The following FAM184B variants were observed in gnomAD, a reference collection of about 807,000 sequenced individuals.
FAM184B encodes the protein family with sequence similarity 184 member B, also known as protein FAM184B.
A neutral mutation model predicts 135.9 loss-of-function variants in FAM184B; 111 were observed. The ratio of observed to expected loss-of-function variants is 0.82; its 90% confidence interval spans 0.70 to 0.96. FAM184B has a LOEUF of 0.96. FAM184B is among the 40% of genes least tolerant of loss of function. The pLI is 0.00. For missense variants in FAM184B, 1,375 were observed against 1,323.9 expected, an observed-to-expected ratio of 1.04 and a Z score of -0.60; for synonymous variants, 552 against 524.8, an observed-to-expected ratio of 1.05 and a Z score of -0.71.
chr4:17,764,326 C>T (rs980297606), intron 1 of FAM184B, among the ~76,000 whole-genome samples: 1 of 152,190 alleles, frequency 6.6e-6, no homozygotes, highest in Non-Finnish European at 1.5e-5. Context: ...AGCAGTTTAT[C>T]GATCACCTCT....
intron 11 of FAM184B, 147 bp from the exon 12 acceptor site, chr4:17,647,938 G>A: frequency 4.6e-6 from 4 of 872,878 alleles, no homozygotes; most frequent in Non-Finnish European, 6.8e-6. Context: ...CCTTTTCCAA[G>A]GTAACAGTAA....
chr4:17,763,246 T>C (rs1327786596), intron 1 of FAM184B, among the ~76,000 whole-genome samples: 1 of 152,116 alleles, frequency 6.6e-6, no homozygotes. Flanking sequence ...TGAGATTCTC[T>C]AAATTGGGTC....
intron 6 of FAM184B, among the ~76,000 whole-genome samples, chr4:17,690,230 G>A (rs1338924267): frequency 6.6e-6 from 1 of 152,170 alleles, no homozygotes; most frequent in African/African-American, 2.4e-5. Context: ...GGATGAACAG[G>A]AGTCTGCCAT....
chr4:17,637,054 TC>T (rs1715164108), intron 14 of FAM184B, among the ~76,000 whole-genome samples: 1 of 150,796 alleles, frequency 6.6e-6, no homozygotes, highest in Non-Finnish European at 1.5e-5. Flanking sequence ...GGAGACGGAG[TC>T]TCCCTCTGTC....
At chr4:17,751,109 A>G in intron 1 of FAM184B, among the ~76,000 whole-genome samples, 1 of 151,924 alleles carries the variant, frequency 6.6e-6, no homozygotes. Flanking sequence ...GGAGTTCAAA[A>G]CCAGCCTGGT....
chr4:17,666,618 C>G (rs1446567812), intron 7 of FAM184B, among the ~76,000 whole-genome samples: 1 of 151,818 alleles, frequency 6.6e-6, no homozygotes, highest in African/African-American at 2.4e-5. Context: ...GTCACCATGC[C>G]TGGACTCCCT....
intron 1 of FAM184B, among the ~76,000 whole-genome samples, chr4:17,779,384 C>T (rs568434258): frequency 5.3e-5 from 8 of 152,154 alleles, no homozygotes; most frequent in South Asian, 2.1e-4. Context: ...GGTAAACAGA[C>T]GCACTACATA....
intron 1 of FAM184B, among the ~76,000 whole-genome samples, chr4:17,751,277 A>G (rs974516398): frequency 7.1e-5 from 10 of 141,302 alleles, no homozygotes; most frequent in African/African-American, 2.1e-4. Context: ...CACTGCCTCC[A>G]GCCTGGGTGA....
At chr4:17,729,935 GAGA>G (rs1717735822) in intron 1 of FAM184B, among the ~76,000 whole-genome samples, 2 of 152,334 alleles carry the variant, frequency 1.3e-5, no homozygotes, top group East Asian at 1.9e-4. Flanking sequence ...GACGAGCTGA[GAGA>G]AGAAGGCTTC....
chr4:17,708,786 C>T, intron 2 of FAM184B, 106 bp downstream of exon 2: 1 of 1,251,208 alleles, frequency 8.0e-7, no homozygotes, highest in East Asian at 2.7e-5. Context: ...GGGCTCACCT[C>T]CGTAGAAGGC....
chr4:17,710,096 C>A (rs1717225654), intron 1 of FAM184B, among the ~76,000 whole-genome samples: 1 of 152,084 alleles, frequency 6.6e-6, no homozygotes, highest in Admixed American at 6.5e-5. Context: ...GAGGCAGAGG[C>A]AGGCGGATCA....
intron 7 of FAM184B, among the ~76,000 whole-genome samples, chr4:17,675,523 C>A (rs1048424136): frequency 6.6e-6 from 1 of 152,146 alleles, no homozygotes; most frequent in Admixed American, 6.5e-5. Context: ...AAGTCACTAG[C>A]TTTATTATCT....
At position 17,664,599 on chromosome 4, in the gene FAM184B, C is replaced by A; in HGVS notation, c.1657G>T (p.Ala553Ser). 6.4e-7 allele frequency: 1 copy of A among 1,551,288 alleles called. No individual in the cohort carries two copies. Among genetic ancestry groups the A allele is most frequent in the Non-Finnish European group, 8.7e-7 (1 of 1,146,884 alleles). The change falls in exon 8 of 18, where the codon GCA becomes TCA. Residue 553 changes from alanine (A) to serine (S), a missense_variant. Ala to Ser is a moderately conservative substitution (Grantham distance 99). Coordinates refer to ENST00000265018, the MANE Select transcript of FAM184B (RefSeq NM_015688.2). The part of the protein sequence containing the change: ...PRGEEYQDKL[A>S]AEEGTSSDEE... The stretch of plus-strand genomic sequence containing the variant: ...TCACTGCTGGTTCCTTCTTCAGCTG[C>A]TAACTTATCTTGATACTCCTCTCCT...
intron 7 of FAM184B, among the ~76,000 whole-genome samples, chr4:17,680,714 T>C (rs1166251095): frequency 1.3e-5 from 2 of 152,170 alleles, no homozygotes; most frequent in Non-Finnish European, 2.9e-5. Flanking sequence ...ATAGATCTGC[T>C]TCTCCTTTCC....
At chr4:17,768,416 A>G (rs1398698809) in intron 1 of FAM184B, among the ~76,000 whole-genome samples, 1 of 149,402 alleles carries the variant, frequency 6.7e-6, no homozygotes, top group Non-Finnish European at 1.5e-5. Context: ...CTGGGACTAC[A>G]GGCACACCCC....
At position 17,633,680 on chromosome 4, in the gene FAM184B, C is replaced by G. The variant is rs1347823981; in HGVS notation, c.3089+9G>C. 6.6e-7 allele frequency: 1 copy of G among 1,513,480 alleles called. No individual in the cohort carries two copies. Among genetic ancestry groups the G allele is most frequent in the Non-Finnish European group, 8.9e-7 (1 of 1,126,792 alleles). The allele number at this position is 1,513,480 out of a possible 1,614,324, so 93.8% of individuals were successfully genotyped here. ...GAATAAGGGCCCCTGTCCCCAACAT[C>G]CCCCAAACCTTGTGGCAGTTTTTGC... On this transcript the variant is annotated intron_variant, in intron 17 of 17. Coordinates refer to ENST00000265018, the MANE Select transcript of FAM184B (RefSeq NM_015688.2).
At chr4:17,688,650 G>T (rs1014833252) in intron 6 of FAM184B, 119 bp from the exon 7 acceptor site, 30 of 350,658 alleles carry the variant, frequency 8.6e-5, no homozygotes, top group East Asian at 4.5e-4. Context: ...TGCCCCATTA[G>T]ACAAATTCTA....
Position 17,707,739 on chromosome 4 carries a change from A to G in FAM184B, c.940T>C (p.Leu314=), listed in dbSNP as rs1201258234. 5.2e-6 allele frequency: 8 copies of G among 1,551,764 alleles called. No individual in the cohort carries two copies. The highest frequency in any genetic ancestry group is 6.1e-6 in the Non-Finnish European group (7 of 1,146,986). The change falls in exon 3 of 18, where the codon TTG becomes CTG. Residue 314 remains leucine, a synonymous_variant. Coordinates refer to ENST00000265018, the MANE Select transcript of FAM184B (RefSeq NM_015688.2). The part of the protein sequence containing the change: ...LKEARQENSE[L]KGTAKKLGEK... ...CCAAGTTTTTTTGCAGTGCCTTTCAACTCTGAATTCTCCTGTCGAGCCTCC... is the reference window on the plus strand; with the variant it reads ...CCAAGTTTTTTTGCAGTGCCTTTCAGCTCTGAATTCTCCTGTCGAGCCTCC...
chr4:17,742,163 TATATA>T (rs1181634090), intron 1 of FAM184B, among the ~76,000 whole-genome samples: 868 of 4,088 alleles, frequency 0.21, 3 homozygotes, highest in South Asian at 0.41. Flanking sequence ...TATATATATA[TATATA>T]TTTTTTTTTT....
Sources: gnomAD v4.1 joint callset for allele counts (sites outside exome capture counted in the v4.1 genomes callset) on GRCh38, gnomAD v4.1.1 for gene constraint, MANE v1.5 for transcripts, NCBI Gene and HGNC (gene_info 2026-07-23, HGNC 2026-07-21) for gene names.